The following MRGPRX1 variants were observed in gnomAD, a reference collection of about 807,000 sequenced individuals.
The protein encoded by MRGPRX1 is mas-related G protein-coupled receptor member X1.
For missense variants in MRGPRX1, 411 were observed against 393.8 expected, an observed-to-expected ratio of 1.04 and a Z score of -0.37; for synonymous variants, 208 against 170.4, an observed-to-expected ratio of 1.22 and a Z score of -1.72.
At position 18,934,536 on chromosome 11, in the gene MRGPRX1, G is replaced by A; in HGVS notation, c.249C>T (p.Ser83=). 6.2e-7 allele frequency: 1 copy of A among 1,610,362 alleles called. No homozygotes were observed. Among genetic ancestry groups the A allele is most frequent in the Non-Finnish European group, 8.5e-7 (1 of 1,177,966 alleles). ...GGGGGATACTGATGAAGCTTAACAG[G>A]GAATATATAAGGCGGCCGCTGAGGA... is the stretch of plus-strand genomic sequence containing the variant. ...FLFLSGRLIY[S]LLSFISIPHT... Residue 83 remains serine, a synonymous_variant, in exon 2 of 2, where the codon TCC becomes TCT. Transcript: ENST00000526914.
rs566737534 is a variant in MRGPRX1, at chr11:18,936,972, C to T, written c.-25-2163G>A. ...TTCCTGAAAAATCTTGATGTGAGTACAGAATCAGAGACAGAGGCAGAAGAG... is the reference window on the plus strand; with the variant it reads ...TTCCTGAAAAATCTTGATGTGAGTATAGAATCAGAGACAGAGGCAGAAGAG... On this transcript the variant is annotated intron_variant, in intron 1 of 1. Transcript: ENST00000526914. Among the ~76,000 whole-genome samples the T allele has an allele frequency of 7.8e-4, 118 of 151,486 alleles. 2 individuals carry two copies. The highest frequency in any genetic ancestry group is 2.7e-3 in the African/African-American group (110 of 41,370).
At chr11:18,935,066 C>T (rs1848830116) in intron 1 of MRGPRX1, 1 of 373,708 alleles carries the variant, frequency 2.7e-6, no homozygotes, top group Non-Finnish European at 4.8e-6. Context: ...AACACCCCCA[C>T]TCATCTAGCC....
At position 18,934,430 on chromosome 11, in the gene MRGPRX1, C is replaced by A. The variant is rs769342738; in HGVS notation, c.355G>T (p.Glu119Ter). ...GLSFLSAVST[E>*]RCLSVLWPIW... Reference sequence around the variant, plus strand: ...GGCCACAGGACGGACAGGCAGCGCTCGGTGCTCACGGCACTCAGAAAGCTC... The same window carrying A: ...GGCCACAGGACGGACAGGCAGCGCTAGGTGCTCACGGCACTCAGAAAGCTC... The change falls in exon 2 of 2, where the codon GAG (glutamate) becomes TAG (stop). Residue 119 changes from glutamate (E) to a stop codon, truncating the protein, a stop_gained. Transcript: ENST00000526914. LOFTEE classifies it low-confidence loss of function (END_TRUNC). 1 of 1,610,490 alleles carries A rather than the reference C, an allele frequency of 6.2e-7. No individual in the cohort carries two copies. The highest frequency in any genetic ancestry group is 1.1e-5 in the South Asian group (1 of 90,714).
Position 18,934,511 on chromosome 11 carries a change from G to T in MRGPRX1, c.274C>A (p.His92Asn), listed in dbSNP as rs1472730010. Residue 92 changes from histidine (H) to asparagine (N), a missense_variant, in exon 2 of 2, where the codon CAT (histidine) becomes AAT (asparagine). Transcript: ENST00000526914. ...GGATAGAGGATTTTAGAGATGGTAT[G>T]GGGGATACTGATGAAGCTTAACAGG... ...YSLLSFISIPHTISKILYPVM... is the reference protein window; with the variant it reads ...YSLLSFISIPNTISKILYPVM... 1 of 1,610,460 alleles carries T rather than the reference G, an allele frequency of 6.2e-7. No homozygotes were observed. The highest frequency in any genetic ancestry group is 8.5e-7 in the Non-Finnish European group (1 of 1,178,044).
chr11:18,938,516 C>T (rs985172152), intron 1 of MRGPRX1, among the ~76,000 whole-genome samples: 2 of 151,448 alleles, frequency 1.3e-5, no homozygotes, highest in Non-Finnish European at 3.0e-5. Context: ...GAAACCATCC[C>T]CACTATTTAA....
Position 18,934,222 on chromosome 11 carries a change from C to A in MRGPRX1, c.563G>T (p.Cys188Phe), listed in dbSNP as rs199840567. The A allele has an allele frequency of 1.2e-4, 192 of 1,610,420 alleles. 4 individuals carry two copies. The highest frequency in any genetic ancestry group is 1.3e-4 in the Non-Finnish European group (153 of 1,178,114). ...CAGGCTGGACCCACAGAGAACCACA[C>A]ATAAAAAAATCAGCCACGCGACTGT... ...FITVAWLIFLCVVLCGSSLVL... is the reference protein window; with the variant it reads ...FITVAWLIFLFVVLCGSSLVL... Residue 188 changes from cysteine to phenylalanine, a missense_variant, in exon 2 of 2, where the codon TGT (cysteine) becomes TTT (phenylalanine). Transcript: ENST00000526914.
intron 1 of MRGPRX1, among the ~76,000 whole-genome samples, chr11:18,938,773 C>T (rs1848860344): frequency 6.6e-6 from 1 of 151,412 alleles, no homozygotes; most frequent in South Asian, 2.1e-4. Context: ...TGTATTGTTG[C>T]TTAGGGTGCT....
intron 1 of MRGPRX1, among the ~76,000 whole-genome samples, chr11:18,937,141 A>G (rs931404697): frequency 6.6e-6 from 1 of 151,498 alleles, no homozygotes; most frequent in African/African-American, 2.4e-5. Context: ...TGAAAGATGC[A>G]CAAAAGTGAT....
chr11:18,937,516 T>G (rs1210280285), intron 1 of MRGPRX1, among the ~76,000 whole-genome samples: 1 of 151,548 alleles, frequency 6.6e-6, no homozygotes, highest in East Asian at 1.9e-4. Flanking sequence ...TTAAATCACT[T>G]CTAAGTTACT....
intron 1 of MRGPRX1, among the ~76,000 whole-genome samples, chr11:18,936,901 G>A (rs1441589325): frequency 6.6e-6 from 1 of 151,476 alleles, no homozygotes; most frequent in Admixed American, 6.6e-5. Flanking sequence ...CCCTGCATGA[G>A]ACTTCTGTAT....
Position 18,937,270 on chromosome 11 carries a change from A to G in MRGPRX1, c.-26+2010T>C, listed in dbSNP as rs145707813. On this transcript the variant is annotated intron_variant, in intron 1 of 1. Coordinates refer to ENST00000526914, the MANE Select transcript of MRGPRX1 (RefSeq NM_001393578.1). The stretch of plus-strand genomic sequence containing the variant: ...GGAACCATATAGGATCACAGGTATG[A>G]GGGCAACTCTCTAGGGACTCGAGAG... Among the ~76,000 whole-genome samples the G allele has an allele frequency of 2.6e-3, 388 of 151,294 alleles. 1 individual carries two copies. The highest frequency in any genetic ancestry group is 4.8e-3 in the Non-Finnish European group (327 of 67,672).
rs1848815428 is a variant in MRGPRX1 at position 18,934,131 on chromosome 11, G to A, written c.654C>T (p.Ile218=). The change falls in exon 2 of 2, where the codon ATC becomes ATT. Residue 218 remains isoleucine (I), a synonymous_variant. Transcript: ENST00000526914. ...KIPLTRLYVT[I]LLTVLVFLLC... is the part of the protein sequence containing the mutation. ...GGAGGAAGACCAGTACTGTGAGCAG[G>A]ATGGTCACGTACAGCCTGGTCAGCG... 1 of 1,610,946 alleles carries A rather than the reference G, an allele frequency of 6.2e-7. No individual in the cohort carries two copies. The highest frequency in any genetic ancestry group is 1.1e-5 in the South Asian group (1 of 90,794).
intron 1 of MRGPRX1, chr11:18,935,039 A>G (rs936580210): frequency 5.5e-5 from 25 of 450,556 alleles, no homozygotes; most frequent in African/African-American, 2.0e-4. Context: ...CTAACATGGG[A>G]ATAACATTAG....
rs1230136120 is a variant in MRGPRX1 at position 18,933,897 on chromosome 11, C to T, written c.888G>A (p.Gln296=). ...CACCTTCATCCACCTCAGACGCGTC[C>T]TGCAGAGCCCTCTGGAGAACCAGCT... ...NLKLVLQRAL[Q]DASEVDEGGG... The change falls in exon 2 of 2, where the codon CAG becomes CAA. Residue 296 remains glutamine, a synonymous_variant. Coordinates refer to ENST00000526914, the MANE Select transcript of MRGPRX1 (RefSeq NM_001393578.1). 1 of 1,610,808 alleles carries T rather than the reference C, an allele frequency of 6.2e-7. No individual in the cohort carries two copies. The highest frequency in any genetic ancestry group is 8.5e-7 in the Non-Finnish European group (1 of 1,178,216).
intron 1 of MRGPRX1, among the ~76,000 whole-genome samples, chr11:18,935,950 T>C (rs937470420): frequency 6.6e-6 from 1 of 151,488 alleles, no homozygotes; most frequent in African/African-American, 2.4e-5. Context: ...GAGATATTCA[T>C]GTAGATTTCA....
rs564483507 is a variant in MRGPRX1, at chr11:18,933,590, A to G, written c.*226T>C. On this transcript the variant is annotated 3_prime_UTR_variant, in exon 2 of 2. Transcript: ENST00000526914. ...AAGATTCAGTGTGAGATAACAGGGA[A>G]AATGTGTTGGTAATATCAAGGAGAA... is the stretch of plus-strand genomic sequence containing the variant. Among the ~76,000 whole-genome samples the G allele has an allele frequency of 1.3e-5, 2 of 151,626 alleles. No homozygotes were observed. Among genetic ancestry groups the G allele is most frequent in the East Asian group, 3.9e-4 (2 of 5,158 alleles).
At chr11:18,937,696 AG>A (rs2133262869) in intron 1 of MRGPRX1, among the ~76,000 whole-genome samples, 2 of 151,652 alleles carry the variant, frequency 1.3e-5, no homozygotes, top group African/African-American at 4.8e-5. Flanking sequence ...CTGCAGATTC[AG>A]GACCTAGTGA....
intron 1 of MRGPRX1, among the ~76,000 whole-genome samples, chr11:18,936,545 G>T (rs1000286628): frequency 6.6e-6 from 1 of 151,200 alleles, no homozygotes; most frequent in African/African-American, 2.4e-5. Flanking sequence ...TCCATCATGA[G>T]CTCTCTTAGA....
Position 18,934,290 on chromosome 11 carries a change from G to A in MRGPRX1, c.495C>T (p.Phe165=), listed in dbSNP as rs577348856. The A allele has an allele frequency of 1.7e-5, 27 of 1,610,672 alleles. 1 individual carries two copies. The highest frequency in any genetic ancestry group is 1.7e-4 in the South Asian group (15 of 90,788). Residue 165 remains phenylalanine, a synonymous_variant, in exon 2 of 2, where the codon TTC becomes TTT. Coordinates refer to ENST00000526914, the MANE Select transcript of MRGPRX1 (RefSeq NM_001393578.1). ...GACACCAAGCAGAATCAGCACCACT[G>A]AACAGGAAGCCACATAACATCCACT... ...ILEWMLCGFL[F]SGADSAWCQT...
Sources: gnomAD v4.1 joint callset for allele counts (sites outside exome capture counted in the v4.1 genomes callset) on GRCh38, gnomAD v4.1.1 for gene constraint, MANE v1.5 for transcripts, NCBI Gene and HGNC (gene_info 2026-07-23, HGNC 2026-07-21) for gene names.